Variants in ZNF250 observed in about 807,000 individuals in gnomAD.
ZNF250 encodes zinc finger protein 250.
A neutral mutation model predicts 37.1 loss-of-function variants in ZNF250; 13 were observed. That is an observed-to-expected ratio of 0.35 (90% CI 0.23 to 0.56). The LOEUF is 0.56. Ranked by LOEUF, ZNF250 falls within the 20% of genes least tolerant of loss-of-function variation. The pLI is 0.87. For synonymous variants in ZNF250, 251 were observed against 265.6 expected (o/e 0.94, Z 0.54); for missense variants, 474 against 697.9 (o/e 0.68, Z 3.61).
At chr8:144,900,928 G>T (rs1418011500) in intron 1 of ZNF250, among the ~76,000 whole-genome samples, 1 of 152,238 alleles carries the variant, frequency 6.6e-6, no homozygotes, top group Admixed American at 6.5e-5. Flanking sequence ...GAGACCCCGA[G>T]GAGCGCGGCA....
chr8:144,885,747 A>G (rs746300744), intron 5 of ZNF250, among the ~76,000 whole-genome samples: 3 of 152,156 alleles, frequency 2.0e-5, no homozygotes, highest in Non-Finnish European at 2.9e-5. Context: ...CCTCATCTTC[A>G]TGGAATAAAA....
At chr8:144,892,162 T>G (rs1438689294) in intron 1 of ZNF250, among the ~76,000 whole-genome samples, 3 of 152,220 alleles carry the variant, frequency 2.0e-5, no homozygotes, top group African/African-American at 7.2e-5. Context: ...GCTGCTGTTC[T>G]CCAAAAATGC....
At chr8:144,892,400 CCAA>C (rs1375767526) in intron 1 of ZNF250, among the ~76,000 whole-genome samples, 1 of 152,158 alleles carries the variant, frequency 6.6e-6, no homozygotes, top group Non-Finnish European at 1.5e-5. Context: ...TGCAATTAAA[CCAA>C]CAAGTTGTTG....
rs1475636508 is a variant in ZNF250 at position 144,880,588 on chromosome 8, G to T, written c.*927C>A. ...CCAGATAAAGGGTTTTCTAGGCCAG[G>T]CATGGTGCCTCACGCCTGTAATCCC... is the stretch of plus-strand genomic sequence containing the variant. On this transcript the variant is annotated 3_prime_UTR_variant, in exon 6 of 6. Coordinates refer to ENST00000417550, the MANE Select transcript of ZNF250 (RefSeq NM_001109689.4). 3 of 438,430 alleles carry T rather than the reference G, an allele frequency of 6.8e-6. No homozygotes were observed. The highest frequency in any genetic ancestry group is 1.6e-5 in the South Asian group (1 of 63,120). The allele number at this position is 438,430 out of a possible 1,614,324, so 27.2% of individuals were successfully genotyped here. A position where few individuals can be genotyped will look rare whatever the true frequency, so the allele number is the denominator to read the frequency against.
rs199528681 is a variant in ZNF250, at chr8:144,881,573, C to T, written c.1610G>A (p.Arg537His). 36 of 1,610,152 alleles carry T rather than the reference C, an allele frequency of 2.2e-5. No individual in the cohort carries two copies. The highest frequency in any genetic ancestry group is 1.7e-4 in the Admixed American group (10 of 59,836). The change falls in exon 6 of 6, where the codon CGT (arginine) becomes CAT (histidine). Residue 537 changes from arginine (R) to histidine (H), a missense_variant. Around this residue, in one of 2 missense-constraint regions of ZNF250, gnomAD observed 282 missense variants for 470.4 expected, o/e 0.60. Transcript: ENST00000417550. The stretch of plus-strand genomic sequence containing the variant: ...TAGGTGGCCATGCTGGTTGAAGGCA[C>T]GCCCACACTCCCCGCACTCATAGGG... ...EKPYECGECG[R>H]AFNQHGHLIQ...
At position 144,890,135 on chromosome 8, in the gene ZNF250, G is replaced by T. The variant is rs547149398; in HGVS notation, c.43-76C>A. 5.7e-6 allele frequency: 9 copies of T among 1,571,806 alleles called. No homozygotes were observed. In the South Asian group the frequency reaches 9.3e-5, roughly 16 times the overall value. On this transcript the variant is annotated intron_variant, in intron 2 of 5. Coordinates refer to ENST00000417550, the MANE Select transcript of ZNF250 (RefSeq NM_001109689.4). This position sits in a 1 kb window ranked among gnomAD's most constrained non-coding sequence, Gnocchi z 5.1. ...TGGGGAGTGGGTGCATGTGACATGT[G>T]ACATGAGCAGTTGGCAGTGGGGGGC... is the stretch of plus-strand genomic sequence containing the variant.
Position 144,878,830 on chromosome 8 carries a change from C to T in ZNF250, c.*2685G>A, listed in dbSNP as rs1298187842. ...CTCTAAAGTAATACCTTAGTGATCC[C>T]ATTTCCGTTATTTCAGCTCCTCTGA... On this transcript the variant is annotated 3_prime_UTR_variant, in exon 6 of 6. Transcript: ENST00000417550. The T allele has an allele frequency of 6.6e-6, 1 of 152,164 alleles. No individual in the cohort carries two copies. The highest frequency in any genetic ancestry group is 1.5e-5 in the Non-Finnish European group (1 of 68,022). 9.4% of individuals were successfully genotyped at this position (152,164 alleles called of 1,614,324 possible).
chr8:144,890,594 G>C lies in ZNF250; in HGVS notation c.-54-191C>G, dbSNP rs7840328. Among the ~76,000 whole-genome samples, 6,601 of 152,108 alleles carry C rather than the reference G, an allele frequency of 0.043. 471 individuals are homozygous for C. Among genetic ancestry groups the C allele is most frequent in the African/African-American group, 0.15 (6,228 of 41,470 alleles). On this transcript the variant is annotated intron_variant, in intron 1 of 5. Transcript: ENST00000417550. This position sits in a 1 kb window ranked among gnomAD's most constrained non-coding sequence, Gnocchi z 5.1. The stretch of plus-strand genomic sequence containing the variant: ...TGAACTCTGACCCTATGGTTCAGGA[G>C]CCTGTCCAGGCCCTGAACACACAGT...
At position 144,882,311 on chromosome 8, in the gene ZNF250, G is replaced by A; in HGVS notation, c.872C>T (p.Ser291Leu). The A allele has an allele frequency of 1.9e-6, 3 of 1,613,360 alleles. No homozygotes were observed. Among genetic ancestry groups the A allele is most frequent in the Non-Finnish European group, 2.5e-6 (3 of 1,179,696 alleles). Reference protein sequence around the residue: ...LECRKAFTQLSHLIQHQRIHT... With the variant: ...LECRKAFTQLLHLIQHQRIHT... ...GATCCGCTGGTGCTGAATGAGATGTGAGAGTTGAGTGAAGGCTTTCCGACA... is the reference window on the plus strand; with the variant it reads ...GATCCGCTGGTGCTGAATGAGATGTAAGAGTTGAGTGAAGGCTTTCCGACA... Residue 291 changes from serine (S) to leucine (L), a missense_variant, in exon 6 of 6, where the codon TCA becomes TTA. Ser to Leu is a moderately radical substitution (Grantham distance 145, BLOSUM62 -2). Coordinates refer to ENST00000417550, the MANE Select transcript of ZNF250 (RefSeq NM_001109689.4). This position sits in a 1 kb window ranked among gnomAD's most constrained non-coding sequence, Gnocchi z 5.5.
In ZNF250 at chr8:144,901,123, C is replaced by T. The variant is rs1000518875; in HGVS notation, c.-55+276G>A. The stretch of plus-strand genomic sequence containing the variant: ...CAAGGGGGTAGGGGCGGGGAAGGGA[C>T]CGAGGCCGTCCGAGGCGGACGGGGG... On this transcript the variant is annotated intron_variant, in intron 1 of 5. Coordinates refer to ENST00000417550, the MANE Select transcript of ZNF250 (RefSeq NM_001109689.4). The surrounding 1 kb of genome is among the most constrained non-coding windows in gnomAD (Gnocchi z 5.4). Among the ~76,000 whole-genome samples the T allele has an allele frequency of 1.1e-4, 17 of 152,032 alleles. No individual in the cohort carries two copies. The highest frequency in any genetic ancestry group is 3.9e-4 in the African/African-American group (16 of 41,506).
chr8:144,891,192 C>T lies in ZNF250; in HGVS notation c.-54-789G>A, dbSNP rs1481352599. On this transcript the variant is annotated intron_variant, in intron 1 of 5. Coordinates refer to ENST00000417550, the MANE Select transcript of ZNF250 (RefSeq NM_001109689.4). This position sits in a 1 kb window ranked among gnomAD's most constrained non-coding sequence, Gnocchi z 4.0. ...TTGGTCCTGTACAGGATAGGGTTCGCAGTCTTCTGGAGCATCAAAAAGAAG... is the reference window on the plus strand; with the variant it reads ...TTGGTCCTGTACAGGATAGGGTTCGTAGTCTTCTGGAGCATCAAAAAGAAG... 6.6e-6 allele frequency among the ~76,000 whole-genome samples: 1 copy of T among 152,144 alleles called. No individual in the cohort carries two copies. Among genetic ancestry groups the T allele is most frequent in the Non-Finnish European group, 1.5e-5 (1 of 68,032 alleles).
At chr8:144,889,897 G>T in intron 3 of ZNF250, 36 bp downstream of exon 3, 1 of 1,567,702 alleles carries the variant, frequency 6.4e-7, no homozygotes. Context: ...AGTCCAATAC[G>T]CAGATACATA....
chr8:144,899,873 A>C (rs1472056671), intron 1 of ZNF250, among the ~76,000 whole-genome samples: 2 of 152,266 alleles, frequency 1.3e-5, no homozygotes, highest in African/African-American at 4.8e-5. Flanking sequence ...CAGAAAAACA[A>C]GAGTTTATTT....
chr8:144,887,280 A>AAAAAAAG (rs1831962540), intron 4 of ZNF250, among the ~76,000 whole-genome samples: 2 of 134,406 alleles, frequency 1.5e-5, no homozygotes, highest in African/African-American at 5.3e-5. Context: ...AAAAAAAAAA[A>AAAAAAAG]GAGTGGAAAA....
At chr8:144,893,303 T>C (rs2129835584) in intron 1 of ZNF250, among the ~76,000 whole-genome samples, 1 of 152,128 alleles carries the variant, frequency 6.6e-6, no homozygotes, top group South Asian at 2.1e-4. Context: ...CCTGACCCTT[T>C]CCATGGGTCA....
In ZNF250 at chr8:144,890,274, T is replaced by C. The variant is rs909838474; in HGVS notation, c.42+34A>G. The C allele has an allele frequency of 6.4e-7, 1 of 1,550,512 alleles. No homozygotes were observed. On this transcript the variant is annotated intron_variant, in intron 2 of 5. Coordinates refer to ENST00000417550, the MANE Select transcript of ZNF250 (RefSeq NM_001109689.4). The surrounding 1 kb of genome is among the most constrained non-coding windows in gnomAD (Gnocchi z 5.1). Reference sequence around the variant, plus strand: ...ACGGAAGGAACCACAGGGCTCGGGCTGGGGGCACTGCATAAGCACTGGGGA... The same window carrying C: ...ACGGAAGGAACCACAGGGCTCGGGCCGGGGGCACTGCATAAGCACTGGGGA...
chr8:144,887,685 A>C (rs1346013650), intron 4 of ZNF250, among the ~76,000 whole-genome samples: 1 of 152,228 alleles, frequency 6.6e-6, no homozygotes, highest in Non-Finnish European at 1.5e-5. Context: ...AAGGGAGCCC[A>C]GGACTGGTTT....
upstream of ZNF250, chr8:144,901,510 C>T (rs947910397): frequency 2.6e-5 from 4 of 152,416 alleles, no homozygotes; most frequent in Non-Finnish European, 4.4e-5. The surrounding 1 kb of genome is among the most constrained non-coding windows in gnomAD (Gnocchi z 5.4). Flanking sequence ...TCCTGCCCCT[C>T]AGTTCCCGCC....
chr8:144,884,602 G>C (rs1391260178), intron 5 of ZNF250, among the ~76,000 whole-genome samples: 1 of 152,188 alleles, frequency 6.6e-6, no homozygotes, highest in Admixed American at 6.5e-5. Context: ...CTTCTGTGAA[G>C]ATTCTCCTAT....
Sources: gnomAD v4.1 joint callset for allele counts (sites outside exome capture counted in the v4.1 genomes callset) on GRCh38, gnomAD v4.1.1 for gene constraint, gnomAD v4.1.1 regional missense constraint, Gnocchi (gnomAD v3.1) non-coding constraint, MANE v1.5 for transcripts, NCBI Gene and HGNC (gene_info 2026-07-23, HGNC 2026-07-21) for gene names.